The following ATP6V1C2 variants were observed in gnomAD, a reference collection of about 807,000 sequenced individuals.
The protein encoded by ATP6V1C2 is V-type proton ATPase subunit C 2.
ATP6V1C2 carries 45 observed loss-of-function variants against 56.8 expected under a neutral mutation model. The observed-to-expected ratio is 0.79, with a 90% CI of 0.62 to 1.02. ATP6V1C2 has a LOEUF of 1.02. Ranked by LOEUF, ATP6V1C2 falls within the 50% of genes least tolerant of loss-of-function variation. The pLI is 0.00. For missense variants in ATP6V1C2, 463 were observed against 519.7 expected (o/e 0.89, Z 1.06); for synonymous variants, 220 against 201.3 (o/e 1.09, Z -0.79).
chr2:10,771,956 C>T lies in ATP6V1C2; in HGVS notation c.569+19C>T, dbSNP rs368269111. On this transcript the variant is annotated intron_variant, in intron 7 of 13. Transcript: ENST00000272238. ...TCCCCAAGTGAGTGCTGGGCGATCA[C>T]GAAGGAAACCGGCCCTGCCCAGTGG... is the stretch of plus-strand genomic sequence containing the variant. 2.5e-4 allele frequency: 400 copies of T among 1,605,458 alleles called. No homozygotes were observed. Among genetic ancestry groups the T allele is most frequent in the Non-Finnish European group, 2.8e-4 (328 of 1,172,456 alleles).
chr2:10,734,209 T>C (rs1440124208), intron 3 of ATP6V1C2, among the ~76,000 whole-genome samples: 1 of 152,086 alleles, frequency 6.6e-6, no homozygotes, highest in East Asian at 1.9e-4. Flanking sequence ...CCATGGCGGC[T>C]GTTCCAAGCC....
chr2:10,774,677 C>A, intron 8 of ATP6V1C2, 111 bp from the exon 9 acceptor site: 1 of 873,586 alleles, frequency 1.1e-6, no homozygotes. Flanking sequence ...CCCCAGCCCT[C>A]AGCTGCTGCC....
At chr2:10,754,600 G>A (rs1319516382) in intron 4 of ATP6V1C2, among the ~76,000 whole-genome samples, 7 of 146,874 alleles carry the variant, frequency 4.8e-5, no homozygotes, top group South Asian at 2.1e-4. Context: ...TTGAGATGGA[G>A]TCTCGCTTGT....
At chr2:10,764,972 C>T (rs570734385) in intron 5 of ATP6V1C2, among the ~76,000 whole-genome samples, 8 of 126,560 alleles carry the variant, frequency 6.3e-5, no homozygotes, top group African/African-American at 2.2e-4. Flanking sequence ...TTCCGTCCCC[C>T]CACCAAAAAA....
chr2:10,741,629 T>G (rs1019968334), intron 3 of ATP6V1C2, among the ~76,000 whole-genome samples: 2 of 152,120 alleles, frequency 1.3e-5, no homozygotes, highest in African/African-American at 4.8e-5. Flanking sequence ...GGATGGAGAC[T>G]GGCTTTAGGG....
chr2:10,769,386 G>A (rs1159429408), intron 6 of ATP6V1C2, among the ~76,000 whole-genome samples: 5 of 152,172 alleles, frequency 3.3e-5, no homozygotes, highest in Non-Finnish European at 5.9e-5. Flanking sequence ...GGTGTAGTGA[G>A]TGTCCTGTTG....
At chr2:10,767,100 T>G (rs1205169200) in intron 5 of ATP6V1C2, among the ~76,000 whole-genome samples, 2 of 151,866 alleles carry the variant, frequency 1.3e-5, no homozygotes, top group Non-Finnish European at 2.9e-5. Flanking sequence ...AAACATTTAG[T>G]TTTTATCTTT....
At chr2:10,779,430 T>A (rs1306277311) in intron 12 of ATP6V1C2, among the ~76,000 whole-genome samples, 256 of 108,540 alleles carry the variant, frequency 2.4e-3, no homozygotes, top group Middle Eastern at 0.014. Flanking sequence ...AAAAAAAAAA[T>A]ATATATATAT....
At chr2:10,751,605 C>T (rs982991433) in intron 3 of ATP6V1C2, among the ~76,000 whole-genome samples, 1 of 152,036 alleles carries the variant, frequency 6.6e-6, no homozygotes, top group Admixed American at 6.6e-5. Flanking sequence ...GCCTGGTGGC[C>T]GAGAGCCTCA....
chr2:10,726,702 G>C, intron 3 of ATP6V1C2, 133 bp downstream of exon 3: 3 of 791,806 alleles, frequency 3.8e-6, no homozygotes, highest in Non-Finnish European at 6.4e-6. Context: ...AGAGAAAACC[G>C]ATCAGTCCCC....
chr2:10,758,884 G>A (rs953508988), intron 4 of ATP6V1C2, among the ~76,000 whole-genome samples: 14 of 152,130 alleles, frequency 9.2e-5, no homozygotes, highest in South Asian at 2.1e-4. Flanking sequence ...GTCCAGGATG[G>A]TCTTGATCTC....
In ATP6V1C2 at chr2:10,784,826, C is replaced by G. The variant is rs1665627592; in HGVS notation, c.*1563C>G. 1.3e-6 allele frequency: 1 copy of G among 775,280 alleles called. No homozygotes were observed. The highest frequency in any genetic ancestry group is 1.7e-5 in the African/African-American group (1 of 57,498). The allele number at this position is 775,280 out of a possible 1,614,324, so 48.0% of individuals were successfully genotyped here. A position where few individuals can be genotyped will look rare whatever the true frequency, so the allele number is the denominator to read the frequency against. ...CCTCTTAAAAGGCCCACGGGTGCAC[C>G]AGGGCTGAGGTCTGATGGGAAGGAC... On this transcript the variant is annotated 3_prime_UTR_variant, in exon 14 of 14. Transcript: ENST00000272238.
intron 3 of ATP6V1C2, among the ~76,000 whole-genome samples, chr2:10,746,702 G>C (rs566552177): frequency 6.6e-6 from 1 of 151,948 alleles, no homozygotes; most frequent in African/African-American, 2.4e-5. Context: ...GAGCCACCCC[G>C]CCCAACCGTA....
At chr2:10,722,447 C>T (rs1223217540) in intron 1 of ATP6V1C2, among the ~76,000 whole-genome samples, 1 of 152,210 alleles carries the variant, frequency 6.6e-6, no homozygotes, top group Admixed American at 6.5e-5. Flanking sequence ...TCCACCCCAT[C>T]CTGCATCCCA....
rs569058916 is a variant in ATP6V1C2 at position 10,757,179 on chromosome 2, AT to A, written c.283+3118del. On this transcript the variant is annotated intron_variant, in intron 4 of 13. Transcript: ENST00000272238. ...AGGCACCCGCCACCACACATGGCTA[AT>A]TTTTGTATTTTTAGTACAGACTGGG... 4.5e-4 allele frequency among the ~76,000 whole-genome samples: 68 copies of A among 151,976 alleles called. 1 individual carries two copies. Among genetic ancestry groups the A allele is most frequent in the African/African-American group, 1.5e-3 (64 of 41,462 alleles).
At chr2:10,775,640 C>T (rs1055618987) in intron 10 of ATP6V1C2, among the ~76,000 whole-genome samples, 4 of 152,130 alleles carry the variant, frequency 2.6e-5, no homozygotes, top group Non-Finnish European at 5.9e-5. Flanking sequence ...AGGAGGACAG[C>T]GTAGCTCACC....
intron 4 of ATP6V1C2, among the ~76,000 whole-genome samples, chr2:10,760,030 G>GTTTTTTT (rs34096158): frequency 3.7e-5 from 5 of 133,830 alleles, no homozygotes; most frequent in Non-Finnish European, 8.0e-5. Flanking sequence ...TTTGTTTTTT[G>GTTTTTTT]TTTTTTTTTT....
chr2:10,724,272 C>T (rs1175213990), intron 2 of ATP6V1C2, among the ~76,000 whole-genome samples: 5 of 152,138 alleles, frequency 3.3e-5, no homozygotes, highest in Admixed American at 1.3e-4. Flanking sequence ...AACAGCTGCC[C>T]CATCAGCTAC....
chr2:10,727,196 A>C (rs555768617), intron 3 of ATP6V1C2, among the ~76,000 whole-genome samples: 90 of 151,824 alleles, frequency 5.9e-4, no homozygotes, highest in Non-Finnish European at 1.1e-3. Flanking sequence ...CAGCATCCTG[A>C]GTAGCTGGGA....
Sources: gnomAD v4.1 joint callset for allele counts (sites outside exome capture counted in the v4.1 genomes callset) on GRCh38, gnomAD v4.1.1 for gene constraint, MANE v1.5 for transcripts, NCBI Gene and HGNC (gene_info 2026-07-23, HGNC 2026-07-21) for gene names.